The following POLN variants were observed in gnomAD, a reference collection of about 807,000 sequenced individuals.
POLN encodes the protein DNA polymerase N.
Under a neutral mutation model 113.5 loss-of-function variants are expected in POLN, and 108 were observed. The observed-to-expected ratio is 0.95, with a 90% CI of 0.81 to 1.12. POLN has a LOEUF of 1.12. Ranked by LOEUF, POLN falls within the 50% of genes most tolerant of loss-of-function variation. POLN has a pLI of 0.00. For synonymous variants in POLN, 386 were observed against 391.5 expected, an observed-to-expected ratio of 0.99 and a Z score of 0.17; for missense variants, 1,097 against 1,077.1, an observed-to-expected ratio of 1.02 and a Z score of -0.26.
At chr4:2,108,769 G>A (rs1416207627) in intron 19 of POLN, among the ~76,000 whole-genome samples, 1 of 152,144 alleles carries the variant, frequency 6.6e-6, no homozygotes, top group Non-Finnish European at 1.5e-5. Flanking sequence ...ACCCCAGACA[G>A]TGCCAGAAGT....
intron 17 of POLN, among the ~76,000 whole-genome samples, chr4:2,130,902 C>A (rs973072215): frequency 4.6e-5 from 7 of 152,094 alleles, no homozygotes; most frequent in African/African-American, 1.7e-4. Flanking sequence ...TTAAAAAGGG[C>A]ACACTGGCTC....
At chr4:2,217,447 G>A (rs1734139819) in intron 3 of POLN, among the ~76,000 whole-genome samples, 1 of 152,198 alleles carries the variant, frequency 6.6e-6, no homozygotes, top group African/African-American at 2.4e-5. Context: ...AAGCTTGGTT[G>A]TGCCTGCTTG....
intron 2 of POLN, among the ~76,000 whole-genome samples, chr4:2,235,429 T>C (rs1216397469): frequency 1.3e-5 from 2 of 152,222 alleles, no homozygotes; most frequent in African/African-American, 2.4e-5. Flanking sequence ...GTGAGACATA[T>C]AAGACCATCA....
intron 5 of POLN, among the ~76,000 whole-genome samples, chr4:2,206,374 T>A (rs941645458): frequency 6.6e-6 from 1 of 152,206 alleles, no homozygotes; most frequent in Non-Finnish European, 1.5e-5. Context: ...AAAGCAAATG[T>A]AATAAAAACA....
intron 23 of POLN, chr4:2,078,389 G>T: frequency 5.9e-6 from 1 of 169,024 alleles, no homozygotes. Flanking sequence ...CTGTCACAGG[G>T]ACTGTGGGTG....
intron 5 of POLN, 77 bp downstream of exon 5, chr4:2,207,910 A>G: frequency 6.7e-7 from 1 of 1,482,624 alleles, no homozygotes; most frequent in Non-Finnish European, 9.0e-7. Context: ...TAGCTCTCCT[A>G]TCAAAATCTG....
chr4:2,090,555 G>A (rs1022422772), intron 20 of POLN: 1 of 470,566 alleles, frequency 2.1e-6, no homozygotes. Context: ...ACTGGCCATG[G>A]TGATCATCAT....
intron 19 of POLN, among the ~76,000 whole-genome samples, chr4:2,096,744 A>AG (rs1730806633): frequency 7.5e-6 from 1 of 134,128 alleles, no homozygotes; most frequent in African/African-American, 2.8e-5. Flanking sequence ...CACAGAGAGA[A>AG]ACAGAAAAAG....
chr4:2,214,884 C>CATAT (rs1432062145), intron 3 of POLN, among the ~76,000 whole-genome samples: 4 of 149,752 alleles, frequency 2.7e-5, no homozygotes, highest in African/African-American at 1.0e-4. Flanking sequence ...CACACATATA[C>CATAT]ACATACATAT....
chr4:2,106,907 T>C (rs954096646), intron 19 of POLN, among the ~76,000 whole-genome samples: 7 of 152,150 alleles, frequency 4.6e-5, no homozygotes, highest in Non-Finnish European at 7.4e-5. Context: ...GCAGATTAGT[T>C]TGTCTAGTTA....
At chr4:2,147,967 GGTGCCTAC>G (rs1332775440) in intron 16 of POLN, among the ~76,000 whole-genome samples, 4 of 152,008 alleles carry the variant, frequency 2.6e-5, no homozygotes, top group Non-Finnish European at 5.9e-5. Context: ...ATACACACTT[GGTGCCTAC>G]TGCATTCCAG....
chr4:2,085,426 C>G (rs936925933), intron 21 of POLN, among the ~76,000 whole-genome samples, 187 bp downstream of exon 21: 9 of 152,184 alleles, frequency 5.9e-5, no homozygotes, highest in Non-Finnish European at 8.8e-5. Context: ...TCAAGCCGCC[C>G]AGACTCTTGT....
intron 3 of POLN, among the ~76,000 whole-genome samples, chr4:2,221,351 A>C (rs1734248925): frequency 6.6e-6 from 1 of 152,174 alleles, no homozygotes; most frequent in Non-Finnish European, 1.5e-5. Context: ...GGGAATCCCA[A>C]GTCACTAAGC....
intron 7 of POLN, among the ~76,000 whole-genome samples, chr4:2,185,322 G>A (rs1441789321): frequency 6.6e-6 from 1 of 152,276 alleles, no homozygotes; most frequent in Non-Finnish European, 1.5e-5. Context: ...AGAAAGAGAT[G>A]TGCTCAGTAA....
chr4:2,186,631 A>G (rs1733280933), intron 7 of POLN, among the ~76,000 whole-genome samples: 1 of 152,230 alleles, frequency 6.6e-6, no homozygotes, highest in Admixed American at 6.5e-5. Context: ...CTGAGCAAAC[A>G]TACCTAATAA....
intron 19 of POLN, among the ~76,000 whole-genome samples, chr4:2,096,297 G>T (rs553327401): frequency 6.6e-6 from 1 of 152,204 alleles, no homozygotes; most frequent in Non-Finnish European, 1.5e-5. Context: ...CTGCTGCAGT[G>T]GGGGAGCTGG....
In POLN at chr4:2,175,113, C is replaced by T. The variant is rs74322932; in HGVS notation, c.1249-362G>A. Among the ~76,000 whole-genome samples the T allele has an allele frequency of 8.7e-3, 1,331 of 152,172 alleles. 22 individuals are homozygous for T. Among genetic ancestry groups the T allele is most frequent in the Middle Eastern group, 0.034 (10 of 294 alleles). On this transcript the variant is annotated intron_variant, in intron 9 of 25. Coordinates refer to ENST00000511885, the MANE Select transcript of POLN (RefSeq NM_181808.4). ...TGCTGGGATTACAGGCATGAGCCAC[C>T]GCACCCAACCAAAAAGCCTAAATTT...
chr4:2,074,180 G>A (rs1169347349), intron 24 of POLN, among the ~76,000 whole-genome samples: 3 of 152,232 alleles, frequency 2.0e-5, no homozygotes, highest in South Asian at 2.1e-4. Flanking sequence ...GGCAGCAAGC[G>A]TGGGGCTGAG....
chr4:2,230,034 C>T (rs7693490), intron 2 of POLN: 7,647 of 152,332 alleles, frequency 0.05, 271 homozygotes, highest in Non-Finnish European at 0.076. Context: ...GTGGCTTACA[C>T]CTGTAATGCC....
Sources: gnomAD v4.1 joint callset for allele counts (sites outside exome capture counted in the v4.1 genomes callset) on GRCh38, gnomAD v4.1.1 for gene constraint, MANE v1.5 for transcripts, NCBI Gene and HGNC (gene_info 2026-07-23, HGNC 2026-07-21) for gene names.